Variants in NUBP2 observed in about 807,000 individuals in gnomAD.
NUBP2 encodes the protein NUBP iron-sulfur cluster assembly factor 2, cytosolic.
Under a neutral mutation model 24.9 loss-of-function variants are expected in NUBP2, and 23 were observed. The observed-to-expected ratio is 0.92, with a 90% CI of 0.66 to 1.31. The LOEUF (loss-of-function observed/expected upper bound fraction) is 1.31. NUBP2 is among the 50% of genes most tolerant of loss of function. The pLI is 0.00. For missense variants in NUBP2, 403 were observed against 386.5 expected (o/e 1.04, Z -0.36); for synonymous variants, 186 against 170.9 (o/e 1.09, Z -0.69).
At position 1,788,852 on chromosome 16, in the gene NUBP2, A is replaced by ACCAGC; in HGVS notation, c.*146_*150dup. On this transcript the variant is annotated 3_prime_UTR_variant, in exon 7 of 7. Coordinates refer to ENST00000262302, the MANE Select transcript of NUBP2 (RefSeq NM_012225.4). ...GCGTCAGCCGGAGAGCTTCTCCCCG[A>ACCAGC]CCAGCCCAGCCCCAGGATGTGTCGC... 2.7e-6 allele frequency: 3 copies of ACCAGC among 1,119,608 alleles called. No homozygotes were observed. Among genetic ancestry groups the ACCAGC allele is most frequent in the Non-Finnish European group, 3.7e-6 (3 of 817,986 alleles). 69.4% of individuals were successfully genotyped at this position (1,119,608 alleles called of 1,614,324 possible).
intron 4 of NUBP2, 53 bp from the exon 5 acceptor site, chr16:1,787,888 G>A (rs1473998610): frequency 7.5e-6 from 12 of 1,600,906 alleles, no homozygotes; most frequent in Middle Eastern, 1.7e-4. Context: ...GGGCTGGGCG[G>A]GTGTCCCTGC....
At chr16:1,787,617 G>T in intron 3 of NUBP2, 60 bp from the exon 4 acceptor site, 1 of 1,583,948 alleles carries the variant, frequency 6.3e-7, no homozygotes, top group Non-Finnish European at 8.6e-7. Context: ...TCTTAGTGGC[G>T]CAGGGCCACG....
In NUBP2 at chr16:1,788,580, C is replaced by T. The variant is rs1555464031; in HGVS notation, c.682C>T (p.Leu228=). ...ACTGTGCCCTGCAGGCTCCGTGCCC[C>T]TGGACCCTGCGCTCATGAGGACCCT... The part of the protein sequence containing the change: ...AGVPFLGSVP[L]DPALMRTLEE... Residue 228 remains leucine, a synonymous_variant, in exon 7 of 7, where the codon CTG becomes TTG. Coordinates refer to ENST00000262302, the MANE Select transcript of NUBP2 (RefSeq NM_012225.4). 1.9e-6 allele frequency: 3 copies of T among 1,606,800 alleles called. No individual in the cohort carries two copies. The highest frequency in any genetic ancestry group is 1.7e-4 in the Middle Eastern group (1 of 6,044).
intron 1 of NUBP2, chr16:1,784,685 C>G (rs1018738267): frequency 4.0e-5 from 6 of 150,534 alleles, no homozygotes; most frequent in African/African-American, 1.5e-4. Flanking sequence ...GGATTACAGG[C>G]GTGAGACACC....
At position 1,788,741 on chromosome 16, in the gene NUBP2, A is replaced by G. The variant is rs1897119953; in HGVS notation, c.*27A>G. ...TAAGGCCACCTTGCAGCCGCTTTCC[A>G]GGGCCACCAAGGGCTCTGCTCCAGC... is the stretch of plus-strand genomic sequence containing the variant. On this transcript the variant is annotated 3_prime_UTR_variant, in exon 7 of 7. Coordinates refer to ENST00000262302, the MANE Select transcript of NUBP2 (RefSeq NM_012225.4). 1.9e-6 allele frequency: 3 copies of G among 1,594,022 alleles called. No individual in the cohort carries two copies. The highest frequency in any genetic ancestry group is 3.4e-5 in the Admixed American group (2 of 58,904).
chr16:1,785,740 C>G, intron 1 of NUBP2: 2 of 1,289,082 alleles, frequency 1.6e-6, no homozygotes, highest in African/African-American at 1.5e-5. Flanking sequence ...CTCCGGGAGG[C>G]TTTGGACTTG....
intron 1 of NUBP2, chr16:1,785,135 G>A (rs953923648): frequency 1.3e-5 from 13 of 989,912 alleles, no homozygotes; most frequent in East Asian, 1.1e-4. Flanking sequence ...AAAGCTGACC[G>A]GGACTCATTG....
At chr16:1,783,482 T>A (rs983246181) in intron 1 of NUBP2, 4 of 991,778 alleles carry the variant, frequency 4.0e-6, no homozygotes. Context: ...TTTGTGGAAG[T>A]GGCGCTCTCA....
chr16:1,786,102 G>T, intron 1 of NUBP2: 1 of 708,896 alleles, frequency 1.4e-6, no homozygotes, highest in Non-Finnish European at 1.9e-6. Flanking sequence ...ACCCACCCTG[G>T]GCCCTCTGCT....
In NUBP2 at chr16:1,788,159, A is replaced by G; in HGVS notation, c.622A>G (p.Arg208Gly). The change falls in exon 6 of 7, where the codon AGG becomes GGG. Residue 208 changes from arginine (R) to glycine (G), a missense_variant. By Grantham distance (125) the Arg-to-Gly change is moderately radical. Transcript: ENST00000262302. ...HCTECTSVFS[R>G]GGGEELAQLA... ...CTAGGAGTGCACCAGCGTCTTCTCC[A>G]GGGGCGGCGGAGAGGAGCTGGCCCA... 6.5e-7 allele frequency: 1 copy of G among 1,539,902 alleles called. No homozygotes were observed. The highest frequency in any genetic ancestry group is 2.3e-5 in the East Asian group (1 of 43,158).
At chr16:1,786,138 G>A (rs1329928159) in intron 1 of NUBP2, 7 of 381,208 alleles carry the variant, frequency 1.8e-5, no homozygotes, top group African/African-American at 3.3e-5. Context: ...AGGTGCACTG[G>A]CTGGGGAAAG....
At position 1,785,648 on chromosome 16, in the gene NUBP2, G is replaced by T. The variant is rs1244044759; in HGVS notation, c.17-889G>T. The T allele has an allele frequency of 4.7e-6, 6 of 1,288,616 alleles. No individual in the cohort carries two copies. In the Admixed American group the frequency reaches 6.9e-5, roughly 15 times the overall value. 79.8% of individuals were successfully genotyped at this position (1,288,616 alleles called of 1,614,324 possible). A position where few individuals can be genotyped will look rare whatever the true frequency, so the allele number is the denominator to read the frequency against. On this transcript the variant is annotated intron_variant, in intron 1 of 6. Coordinates refer to ENST00000262302, the MANE Select transcript of NUBP2 (RefSeq NM_012225.4). ...GGCTTTGTGTTTGCAGGAGTGTGGG[G>T]CTGGGGCTGCCTTTTCCGCGTCCCC...
rs1481837810 is a variant in NUBP2 at position 1,788,772 on chromosome 16, A to G, written c.*58A>G. On this transcript the variant is annotated 3_prime_UTR_variant, in exon 7 of 7. Transcript: ENST00000262302. Reference sequence around the variant, plus strand: ...ACCAAGGGCTCTGCTCCAGCCTCTCAGAGAAACAGAGGCCTGGGCTCGGTT... The same window carrying G: ...ACCAAGGGCTCTGCTCCAGCCTCTCGGAGAAACAGAGGCCTGGGCTCGGTT... The G allele has an allele frequency of 1.9e-5, 29 of 1,545,464 alleles. No individual in the cohort carries two copies. The highest frequency in any genetic ancestry group is 1.4e-5 in the Non-Finnish European group (16 of 1,145,408).
rs1331011221 is a variant in NUBP2 at position 1,788,750 on chromosome 16, A to G, written c.*36A>G. The stretch of plus-strand genomic sequence containing the variant: ...CTTGCAGCCGCTTTCCAGGGCCACC[A>G]AGGGCTCTGCTCCAGCCTCTCAGAG... On this transcript the variant is annotated 3_prime_UTR_variant, in exon 7 of 7. Transcript: ENST00000262302. 6.3e-7 allele frequency: 1 copy of G among 1,592,132 alleles called. No homozygotes were observed. The highest frequency in any genetic ancestry group is 1.3e-5 in the African/African-American group (1 of 74,646).
intron 1 of NUBP2, chr16:1,784,121 T>A: frequency 1.2e-6 from 1 of 818,236 alleles, no homozygotes; most frequent in Non-Finnish European, 1.5e-6. Context: ...AGACAGGGTC[T>A]TAACTGTCGC....
intron 1 of NUBP2, chr16:1,784,898 A>T (rs1007763537): frequency 6.3e-6 from 1 of 157,558 alleles, no homozygotes; most frequent in Non-Finnish European, 1.4e-5. Flanking sequence ...TTAGCTGGGC[A>T]TGGTGGCGCA....
chr16:1,788,978 C>A lies in NUBP2; in HGVS notation c.*264C>A. 1 of 466,490 alleles carries A rather than the reference C, an allele frequency of 2.1e-6. No homozygotes were observed. The highest frequency in any genetic ancestry group is 3.8e-6 in the Non-Finnish European group (1 of 263,146). 28.9% of individuals were successfully genotyped at this position (466,490 alleles called of 1,614,324 possible). A position where few individuals can be genotyped will look rare whatever the true frequency, so the allele number is the denominator to read the frequency against. On this transcript the variant is annotated 3_prime_UTR_variant, in exon 7 of 7. Coordinates refer to ENST00000262302, the MANE Select transcript of NUBP2 (RefSeq NM_012225.4). ...GCTCTCTTCCCATCCATGTTGCCTACCTGTGCCCCTGGCAGCCGCGTGTCC... is the reference window on the plus strand; with the variant it reads ...GCTCTCTTCCCATCCATGTTGCCTAACTGTGCCCCTGGCAGCCGCGTGTCC...
Position 1,786,531 on chromosome 16 carries a change from G to A in NUBP2, c.17-6G>A, listed in dbSNP as rs778888171. On this transcript the variant is annotated splice_region_variant and splice_polypyrimidine_tract_variant and intron_variant, in intron 1 of 6. Coordinates refer to ENST00000262302, the MANE Select transcript of NUBP2 (RefSeq NM_012225.4). ...CCCTGACCTTCTCTGTCGTGTTTCC[G>A]CCCAGAGCCTGGAAACCTGGCCGGC... 1.5e-5 allele frequency: 24 copies of A among 1,588,338 alleles called. No individual in the cohort carries two copies. The highest frequency in any genetic ancestry group is 3.4e-5 in the South Asian group (3 of 88,834).
chr16:1,788,298 G>C, intron 6 of NUBP2, 91 bp downstream of exon 6: 1 of 1,269,452 alleles, frequency 7.9e-7, no homozygotes, highest in South Asian at 1.6e-5. Context: ...GTGCCCAAGG[G>C]AGAGGAGGGG....
Sources: gnomAD v4.1 joint callset for allele counts on GRCh38, gnomAD v4.1.1 for gene constraint, MANE v1.5 for transcripts, NCBI Gene and HGNC (gene_info 2026-07-23, HGNC 2026-07-21) for gene names.